Variants in GRIN2A observed in about 807,000 individuals in gnomAD.
The protein encoded by GRIN2A is glutamate ionotropic receptor NMDA type subunit 2A, also known as glutamate receptor ionotropic, NMDA 2A.
GRIN2A carries 22 observed loss-of-function variants against 113.4 expected under a neutral mutation model. That is an observed-to-expected ratio of 0.19 (90% CI 0.14 to 0.28). The LOEUF is 0.28. Among genes scored for constraint, GRIN2A ranks in the 10% least tolerant of loss-of-function variants. The pLI is 1.00. For synonymous variants in GRIN2A, 827 were observed against 738.4 expected (o/e 1.12, Z -1.94); for missense variants, 1,502 against 1,887.0 (o/e 0.80, Z 3.78).
chr16:9,794,069 C>A (rs146634907), intron 11 of GRIN2A, among the ~76,000 whole-genome samples: 27 of 152,172 alleles, frequency 1.8e-4, no homozygotes, highest in African/African-American at 6.3e-4. Flanking sequence ...TATGCATGAG[C>A]ATTGTTACTC....
chr16:9,808,438 A>G (rs760920403), intron 10 of GRIN2A, among the ~76,000 whole-genome samples: 1 of 152,210 alleles, frequency 6.6e-6, no homozygotes, highest in East Asian at 1.9e-4. Flanking sequence ...ACTGAAAGAC[A>G]GGGACTCTCA....
chr16:9,795,957 G>A (rs1225987507), intron 11 of GRIN2A, among the ~76,000 whole-genome samples: 1 of 152,176 alleles, frequency 6.6e-6, no homozygotes, highest in African/African-American at 2.4e-5. Context: ...GGTCCCTGAA[G>A]TAGAAGCTTT....
intron 2 of GRIN2A, among the ~76,000 whole-genome samples, chr16:10,003,468 G>A (rs1404082426): frequency 1.3e-5 from 2 of 152,178 alleles, no homozygotes; most frequent in Non-Finnish European, 2.9e-5. Flanking sequence ...AATAAAAAGA[G>A]AAAAAACGAA....
intron 2 of GRIN2A, among the ~76,000 whole-genome samples, chr16:10,156,988 C>A (rs2049711969): frequency 6.6e-6 from 1 of 152,120 alleles, no homozygotes; most frequent in Non-Finnish European, 1.5e-5. Context: ...TGATGGGGGG[C>A]AGACTGAGGT....
intron 2 of GRIN2A, among the ~76,000 whole-genome samples, chr16:9,946,670 G>A (rs1380353996): frequency 6.6e-6 from 1 of 152,082 alleles, no homozygotes; most frequent in Non-Finnish European, 1.5e-5. Context: ...TTCGGGGGTG[G>A]AACATTTCCT....
At chr16:9,954,319 G>A (rs1401402943) in intron 2 of GRIN2A, among the ~76,000 whole-genome samples, 1 of 152,148 alleles carries the variant, frequency 6.6e-6, no homozygotes, top group African/African-American at 2.4e-5. Flanking sequence ...GAACAAAAAG[G>A]AAGTGAAAAT....
chr16:9,991,951 G>A (rs923545630), intron 2 of GRIN2A, among the ~76,000 whole-genome samples: 8 of 152,164 alleles, frequency 5.3e-5, no homozygotes, highest in African/African-American at 9.7e-5. Flanking sequence ...CCTAATGCAT[G>A]CGGGGCTTAA....
At chr16:10,086,152 ACT>A (rs1370187314) in intron 2 of GRIN2A, among the ~76,000 whole-genome samples, 2 of 152,110 alleles carry the variant, frequency 1.3e-5, no homozygotes, top group African/African-American at 4.8e-5. Context: ...CATTCTAAAT[ACT>A]TTTTTATGCA....
chr16:10,087,114 G>T lies in GRIN2A; in HGVS notation c.414+92884C>A, dbSNP rs1228649801. 3.9e-5 allele frequency among the ~76,000 whole-genome samples: 6 copies of T among 152,336 alleles called. 2 individuals are homozygous for T. In the South Asian group the frequency reaches 1.2e-3, roughly 32 times the overall value. ...GGCTCGAGAGTCTGACCAAGTCCATGCAAATCTTGAACCTCTCACTTAATA... is the reference window on the plus strand; with the variant it reads ...GGCTCGAGAGTCTGACCAAGTCCATTCAAATCTTGAACCTCTCACTTAATA... On this transcript the variant is annotated intron_variant, in intron 2 of 12. Coordinates refer to ENST00000330684, the MANE Select transcript of GRIN2A (RefSeq NM_001134407.3).
At position 9,915,457 on chromosome 16, in the gene GRIN2A, T is replaced by G. The variant is rs55904274; in HGVS notation, c.1007+22502A>C. On this transcript the variant is annotated intron_variant, in intron 3 of 12. Transcript: ENST00000330684. ...ATACATACAAACAAGTATTTTTCTGTGAAAGCAGCTTTATGGTAAGATTAT... is the reference window on the plus strand; with the variant it reads ...ATACATACAAACAAGTATTTTTCTGGGAAAGCAGCTTTATGGTAAGATTAT... Among the ~76,000 whole-genome samples the G allele has an allele frequency of 9.2e-3, 1,406 of 152,290 alleles. 19 individuals carry two copies. Among genetic ancestry groups the G allele is most frequent in the African/African-American group, 0.032 (1,339 of 41,546 alleles).
chr16:9,876,022 G>A (rs1190616937), intron 4 of GRIN2A, among the ~76,000 whole-genome samples: 1 of 152,136 alleles, frequency 6.6e-6, no homozygotes, highest in African/African-American at 2.4e-5. Context: ...AAAGAGTCTT[G>A]GAACGTGTCC....
At chr16:10,169,612 C>A (rs916249624) in intron 2 of GRIN2A, among the ~76,000 whole-genome samples, 4 of 152,094 alleles carry the variant, frequency 2.6e-5, no homozygotes, top group African/African-American at 9.7e-5. Flanking sequence ...CTCAGATAAA[C>A]CAGCAGCTGA....
At chr16:10,048,042 C>T (rs1379438951) in intron 2 of GRIN2A, among the ~76,000 whole-genome samples, 1 of 152,108 alleles carries the variant, frequency 6.6e-6, no homozygotes, top group African/African-American at 2.4e-5. Flanking sequence ...CTGAGGGACC[C>T]AACTAAAACA....
chr16:9,764,749 A>G lies in GRIN2A; in HGVS notation c.2795T>C (p.Met932Thr), dbSNP rs1050421930. 4 of 1,614,124 alleles carry G rather than the reference A, an allele frequency of 2.5e-6. No homozygotes were observed. The highest frequency in any genetic ancestry group is 2.7e-5 in the African/African-American group (2 of 74,962). Residue 932 changes from methionine to threonine, a missense_variant, in exon 13 of 13, where the codon ATG (methionine) becomes ACG (threonine). Met to Thr is a moderately conservative substitution (Grantham distance 81). Coordinates refer to ENST00000330684, the MANE Select transcript of GRIN2A (RefSeq NM_001134407.3). ...ATTCCCCTTATCTGAAACCATGTCC[A>G]TGATGAGGGAACCTCTTTGGATGAA... ...ADFIQRGSLI[M>T]DMVSDKGNLM...
At chr16:10,022,811 A>T (rs1224089445) in intron 2 of GRIN2A, among the ~76,000 whole-genome samples, 1 of 152,202 alleles carries the variant, frequency 6.6e-6, no homozygotes, top group African/African-American at 2.4e-5. Context: ...GTTTCTTTTG[A>T]GTATTATGCC....
chr16:10,073,211 C>G (rs2047795625), intron 2 of GRIN2A, among the ~76,000 whole-genome samples: 1 of 152,110 alleles, frequency 6.6e-6, no homozygotes. Flanking sequence ...TTGCCTTGGC[C>G]TACCAAAATG....
Position 9,753,789 on chromosome 16 carries a change from C to G in GRIN2A, c.*9360G>C. The G allele has an allele frequency of 5.4e-6, 1 of 183,648 alleles. No individual in the cohort carries two copies. Among genetic ancestry groups the G allele is most frequent in the East Asian group, 8.9e-5 (1 of 11,246 alleles). 11.4% of individuals were successfully genotyped at this position (183,648 alleles called of 1,614,324 possible). A position where few individuals can be genotyped will look rare whatever the true frequency, so the allele number is the denominator to read the frequency against. On this transcript the variant is annotated 3_prime_UTR_variant, in exon 13 of 13. Coordinates refer to ENST00000330684, the MANE Select transcript of GRIN2A (RefSeq NM_001134407.3). ...ATTAATTCCCAAATGAAGACCATTG[C>G]TTAGAGCAGACAGCTTGCTTTCAGC... is the stretch of plus-strand genomic sequence containing the variant.
At chr16:10,139,600 C>A (rs996718966) in intron 2 of GRIN2A, among the ~76,000 whole-genome samples, 1 of 152,154 alleles carries the variant, frequency 6.6e-6, no homozygotes, top group Non-Finnish European at 1.5e-5. Context: ...TCCAGTGTTT[C>A]CAGACTTTCT....
At chr16:10,007,548 T>C (rs1296218421) in intron 2 of GRIN2A, among the ~76,000 whole-genome samples, 1 of 152,218 alleles carries the variant, frequency 6.6e-6, no homozygotes, top group Non-Finnish European at 1.5e-5. Context: ...GCCAGATGGA[T>C]AGTTTTTAAA....
Sources: gnomAD v4.1 joint callset for allele counts (sites outside exome capture counted in the v4.1 genomes callset) on GRCh38, gnomAD v4.1.1 for gene constraint, MANE v1.5 for transcripts, NCBI Gene and HGNC (gene_info 2026-07-23, HGNC 2026-07-21) for gene names.